The following ZNF484 variants were observed in gnomAD, a reference collection of about 807,000 sequenced individuals.
ZNF484 encodes KRAB box containing C2H2 type zinc finger bA526D8.4.
ZNF484 carries 11 observed loss-of-function variants against 12.9 expected under a neutral mutation model. The observed-to-expected ratio is 0.85, with a 90% confidence interval of 0.54 to 1.41. The LOEUF is 1.41. ZNF484 is among the 40% of genes most tolerant of loss of function. ZNF484 has a pLI of 0.00. For synonymous variants in ZNF484, 289 were observed against 334.1 expected (o/e 0.86, Z 1.47); for missense variants, 807 against 1,007.7 (o/e 0.80, Z 2.70).
chr9:92,872,630 T>C (rs1857526234), intron 2 of ZNF484, among the ~76,000 whole-genome samples: 1 of 152,148 alleles, frequency 6.6e-6, no homozygotes, highest in Non-Finnish European at 1.5e-5. Flanking sequence ...TTGTGAAATG[T>C]GGGCACCCAC....
At chr9:92,875,343 C>T (rs1587775469) in intron 1 of ZNF484, among the ~76,000 whole-genome samples, 2 of 152,278 alleles carry the variant, frequency 1.3e-5, no homozygotes, top group African/African-American at 2.4e-5. Context: ...TGTTCTATTA[C>T]GTTATTATAC....
chr9:92,848,263 G>A lies in ZNF484; in HGVS notation c.524C>T (p.Pro175Leu). The A allele has an allele frequency of 6.2e-7, 1 of 1,614,022 alleles. No homozygotes were observed. Among genetic ancestry groups the A allele is most frequent in the Non-Finnish European group, 8.5e-7 (1 of 1,180,012 alleles). The change falls in exon 5 of 5, where the codon CCC becomes CTC. Residue 175 changes from proline (P) to leucine (L), a missense_variant. Coordinates refer to ENST00000375495, the MANE Select transcript of ZNF484 (RefSeq NM_031486.4). The surrounding 1 kb of genome is among the most constrained non-coding windows in gnomAD (Gnocchi z 4.1). ...CTTTCCACACGAGTTACAGTTATGG[G>A]GTCTTTTTCTTGAGGAAACCAGGTG... The part of the protein sequence containing the change: ...NTHLVSSRKR[P>L]HNCNSCGKNL...
chr9:92,862,601 G>A (rs1012165735), intron 2 of ZNF484, among the ~76,000 whole-genome samples: 8 of 144,836 alleles, frequency 5.5e-5, no homozygotes, highest in African/African-American at 1.8e-4. Context: ...TCTGCATAAT[G>A]AGAAGTCTGT....
Position 92,848,228 on chromosome 9 carries a change from G to T in ZNF484, c.559C>A (p.Pro187Thr). Residue 187 changes from proline (P) to threonine (T), a missense_variant, in exon 5 of 5, where the codon CCT (proline) becomes ACT (threonine). Physicochemically the swap from Pro to Thr is conservative, Grantham distance 38 (BLOSUM62 -1). Transcript: ENST00000375495. This position sits in a 1 kb window ranked among gnomAD's most constrained non-coding sequence, Gnocchi z 4.1. ...NCNSCGKNLEPIITLYNRNNA... is the reference protein window; with the variant it reads ...NCNSCGKNLETIITLYNRNNA... The stretch of plus-strand genomic sequence containing the variant: ...TTTCTATTATATAAGGTTATGATAG[G>T]CTCCAAATTCTTTCCACACGAGTTA... 6.2e-7 allele frequency: 1 copy of T among 1,614,096 alleles called. No homozygotes were observed.
chr9:92,846,299 C>G lies in ZNF484; in HGVS notation c.2488G>C (p.Val830Leu), dbSNP rs149463658. 843 of 1,614,170 alleles carry G rather than the reference C, an allele frequency of 5.2e-4. No homozygotes were observed. The highest frequency in any genetic ancestry group is 9.8e-4 in the Admixed American group (59 of 60,032). The change falls in exon 5 of 5, where the codon GTA becomes CTA. Residue 830 changes from valine to leucine, a missense_variant. Physicochemically the swap from Val to Leu is conservative, Grantham distance 32. Coordinates refer to ENST00000375495, the MANE Select transcript of ZNF484 (RefSeq NM_031486.4). ...SMPQKSDNGEVECSMPQLWCG... is the reference protein window; with the variant it reads ...SMPQKSDNGELECSMPQLWCG... ...CATAATTGTGGCATGGAGCACTCTA[C>G]TTCCCCATTGTCAGATTTCTGAGGC... is the stretch of plus-strand genomic sequence containing the variant.
At chr9:92,877,564 CTAAT>C (rs138882117) in intron 1 of ZNF484, among the ~76,000 whole-genome samples, 13,186 of 151,962 alleles carry the variant, frequency 0.087, 751 homozygotes, top group East Asian at 0.29. Context: ...AGAGAGGAAA[CTAAT>C]TAAGATGTGC....
rs1441683610 is a variant in ZNF484, at chr9:92,847,717, T to G, written c.1070A>C (p.Glu357Ala). The G allele has an allele frequency of 6.2e-7, 1 of 1,613,806 alleles. No homozygotes were observed. Among genetic ancestry groups the G allele is most frequent in the South Asian group, 1.1e-5 (1 of 91,080 alleles). ...GAGGTTTTTCTCACATTCACTGTAC[T>G]CATAAGGTTTTTCTCCAGAATGAAT... ...QRIHSGEKPYEYSECEKNLPQ... is the reference protein window; with the variant it reads ...QRIHSGEKPYAYSECEKNLPQ... The change falls in exon 5 of 5, where the codon GAG becomes GCG. Residue 357 changes from glutamate to alanine, a missense_variant. By Grantham distance (107) the Glu-to-Ala change is moderately radical. Transcript: ENST00000375495.
intron 2 of ZNF484, among the ~76,000 whole-genome samples, chr9:92,862,356 T>C (rs930882520): frequency 1.3e-5 from 2 of 151,946 alleles, no homozygotes; most frequent in African/African-American, 2.4e-5. Flanking sequence ...TTCTAAGATA[T>C]TATAAAGGGC....
chr9:92,847,737 A>T lies in ZNF484; in HGVS notation c.1050T>A (p.His350Gln). Residue 350 changes from histidine to glutamine, a missense_variant, in exon 5 of 5, where the codon CAT becomes CAA. Transcript: ENST00000375495. ...KSDLFRCQRI[H>Q]SGEKPYEYSE... The stretch of plus-strand genomic sequence containing the variant: ...TGTACTCATAAGGTTTTTCTCCAGA[A>T]TGAATTCTCTGGCATCTGAACAGAT... The T allele has an allele frequency of 6.2e-7, 1 of 1,613,882 alleles. No individual in the cohort carries two copies. Among genetic ancestry groups the T allele is most frequent in the Non-Finnish European group, 8.5e-7 (1 of 1,180,040 alleles).
At chr9:92,861,615 A>T (rs903301344) in intron 2 of ZNF484, among the ~76,000 whole-genome samples, 4 of 152,218 alleles carry the variant, frequency 2.6e-5, no homozygotes, top group African/African-American at 9.6e-5. Flanking sequence ...TCCAGTCTGA[A>T]CAATAGAAAA....
rs748026868 is a variant in ZNF484, at chr9:92,847,287, C to T, written c.1500G>A (p.Val500=). 6 of 1,613,940 alleles carry T rather than the reference C, an allele frequency of 3.7e-6. No individual in the cohort carries two copies. In the African/African-American group the frequency reaches 5.3e-5, roughly 14 times the overall value. Reference sequence around the variant, plus strand: ...ACCTGTCAGTAAAGGCCTTACCACACACAGTACATATATAGGGTCTTTCTC... The same window carrying T: ...ACCTGTCAGTAAAGGCCTTACCACATACAGTACATATATAGGGTCTTTCTC... ...HTGERPYICT[V]CGKAFTDRSN... Residue 500 remains valine (V), a synonymous_variant, in exon 5 of 5, where the codon GTG becomes GTA. Coordinates refer to ENST00000375495, the MANE Select transcript of ZNF484 (RefSeq NM_031486.4).
At position 92,845,532 on chromosome 9, in the gene ZNF484, T is replaced by TA. The variant is rs1424431915; in HGVS notation, c.*695dup. 6.6e-6 allele frequency: 1 copy of TA among 152,192 alleles called. No individual in the cohort carries two copies. Among genetic ancestry groups the TA allele is most frequent in the African/African-American group, 2.4e-5 (1 of 41,452 alleles). 9.4% of individuals were successfully genotyped at this position (152,192 alleles called of 1,614,324 possible). A position where few individuals can be genotyped will look rare whatever the true frequency, so the allele number is the denominator to read the frequency against. The stretch of plus-strand genomic sequence containing the variant: ...TTTTAGGATTTGATATCCATTTTCT[T>TA]AATTTGTCCTATTTTTCAAACAGGA... On this transcript the variant is annotated 3_prime_UTR_variant, in exon 5 of 5. Transcript: ENST00000375495. The surrounding 1 kb of genome is among the most constrained non-coding windows in gnomAD (Gnocchi z 4.0).
At chr9:92,854,780 A>G (rs1223981755) in intron 4 of ZNF484, among the ~76,000 whole-genome samples, 1 of 152,174 alleles carries the variant, frequency 6.6e-6, no homozygotes, top group African/African-American at 2.4e-5. Flanking sequence ...AATGTATTGC[A>G]GTACTGTTTG....
chr9:92,847,833 A>T lies in ZNF484; in HGVS notation c.954T>A (p.Arg318=), dbSNP rs1855768067. The change falls in exon 5 of 5, where the codon CGT becomes CGA. Residue 318 remains arginine (R), a synonymous_variant. Coordinates refer to ENST00000375495, the MANE Select transcript of ZNF484 (RefSeq NM_031486.4). ...YEKDFSLKSN[R]QKTPYEGNYY... is the part of the protein sequence containing the mutation. ...AATTCCCCTCATAAGGAGTTTTCTG[A>T]CGGTTTGACTTGAGGGAAAAATCCT... 3 of 1,614,104 alleles carry T rather than the reference A, an allele frequency of 1.9e-6. No homozygotes were observed. Among genetic ancestry groups the T allele is most frequent in the Non-Finnish European group, 2.5e-6 (3 of 1,180,028 alleles).
intron 2 of ZNF484, among the ~76,000 whole-genome samples, chr9:92,866,348 C>T (rs1017507348): frequency 2.6e-5 from 4 of 152,176 alleles, no homozygotes; most frequent in African/African-American, 9.7e-5. Context: ...ACAGACACTT[C>T]TCAAAAGAAG....
Position 92,848,617 on chromosome 9 carries a change from G to A in ZNF484, c.236-66C>T, listed in dbSNP as rs1232177264. The A allele has an allele frequency of 2.8e-6, 4 of 1,430,466 alleles. No homozygotes were observed. In the South Asian group the frequency reaches 4.4e-5, roughly 16 times the overall value. The allele number at this position is 1,430,466 out of a possible 1,614,324, so 88.6% of individuals were successfully genotyped here. A position where few individuals can be genotyped will look rare whatever the true frequency, so the allele number is the denominator to read the frequency against. ...TTAACAGAAAATAAGGCCAGGTGCGGTGGCTCATGCCTGTAATCCTAGCAC... is the reference window on the plus strand; with the variant it reads ...TTAACAGAAAATAAGGCCAGGTGCGATGGCTCATGCCTGTAATCCTAGCAC... On this transcript the variant is annotated intron_variant, in intron 4 of 4. Coordinates refer to ENST00000375495, the MANE Select transcript of ZNF484 (RefSeq NM_031486.4). The surrounding 1 kb of genome is among the most constrained non-coding windows in gnomAD (Gnocchi z 4.1).
At chr9:92,868,094 T>C (rs4744151) in intron 2 of ZNF484, among the ~76,000 whole-genome samples, 54,802 of 151,880 alleles carry the variant, frequency 0.36, 10,128 homozygotes, top group Admixed American at 0.41. Context: ...GTCACTATTC[T>C]GGAGGTCATA....
rs758662117 is a variant in ZNF484 at position 92,848,158 on chromosome 9, A to C, written c.629T>G (p.Ile210Ser). ...NSDKTIGDGD[I>S]FTHLNSHTEV... ...TGTATGAGAATTCAAATGAGTGAAA[A>C]TATCACCATCTCCAATAGTCTTATC... The change falls in exon 5 of 5, where the codon ATT (isoleucine) becomes AGT (serine). Residue 210 changes from isoleucine to serine, a missense_variant. Ile to Ser is a moderately radical substitution (Grantham distance 142). Coordinates refer to ENST00000375495, the MANE Select transcript of ZNF484 (RefSeq NM_031486.4). The surrounding 1 kb of genome is among the most constrained non-coding windows in gnomAD (Gnocchi z 4.1). 3.1e-6 allele frequency: 5 copies of C among 1,614,032 alleles called. No homozygotes were observed. In the South Asian group the frequency reaches 5.5e-5, roughly 18 times the overall value.
At chr9:92,875,329 A>G (rs1857730791) in intron 1 of ZNF484, among the ~76,000 whole-genome samples, 1 of 152,264 alleles carries the variant, frequency 6.6e-6, no homozygotes, top group Non-Finnish European at 1.5e-5. Context: ...TCCAAAGGAT[A>G]TACTGTTCTA....
Sources: gnomAD v4.1 joint callset for allele counts (sites outside exome capture counted in the v4.1 genomes callset) on GRCh38, gnomAD v4.1.1 for gene constraint, Gnocchi (gnomAD v3.1) non-coding constraint, MANE v1.5 for transcripts, NCBI Gene and HGNC (gene_info 2026-07-23, HGNC 2026-07-21) for gene names.